Variants in ITFG1 observed in about 807,000 individuals in gnomAD.
The protein encoded by ITFG1 is T-cell immunomodulatory protein.
A neutral mutation model predicts 81.8 loss-of-function variants in ITFG1; 34 were observed. The ratio of observed to expected loss-of-function variants is 0.42; its 90% CI spans 0.32 to 0.55. The LOEUF is 0.55. Among genes scored for constraint, ITFG1 ranks in the 20% least tolerant of loss-of-function variants. ITFG1 has a pLI of 0.17. For synonymous variants in ITFG1, 285 were observed against 270.6 expected (o/e 1.05, Z -0.52); for missense variants, 672 against 755.4 (o/e 0.89, Z 1.29).
At chr16:47,196,415 G>GC (rs1212641562) in intron 14 of ITFG1, 1 of 151,982 alleles carries the variant, frequency 6.6e-6, no homozygotes, top group African/African-American at 2.4e-5. Flanking sequence ...ATTATATTGA[G>GC]CCCTGGGGTG....
chr16:47,181,570 C>A (rs920179574), intron 14 of ITFG1, among the ~76,000 whole-genome samples: 2 of 145,438 alleles, frequency 1.4e-5, no homozygotes, highest in Non-Finnish European at 3.0e-5. Flanking sequence ...GTCAGCCCCC[C>A]CGCCCGGCCA....
At chr16:47,359,037 A>G (rs141058851) in intron 8 of ITFG1, among the ~76,000 whole-genome samples, 18 of 152,236 alleles carry the variant, frequency 1.2e-4, no homozygotes, top group African/African-American at 1.7e-4. Flanking sequence ...AGAAGGTGGT[A>G]TGGGGGTGAG....
intron 7 of ITFG1, among the ~76,000 whole-genome samples, chr16:47,371,724 T>C (rs1448725965): frequency 6.6e-6 from 1 of 152,098 alleles, no homozygotes; most frequent in Non-Finnish European, 1.5e-5. Context: ...TCTGCAGACA[T>C]TTTTGATTGT....
At chr16:47,405,486 T>G (rs1968717197) in intron 6 of ITFG1, among the ~76,000 whole-genome samples, 1 of 152,200 alleles carries the variant, frequency 6.6e-6, no homozygotes, top group Non-Finnish European at 1.5e-5. Context: ...CTTCTTTGTT[T>G]AAGAGCCAAT....
chr16:47,336,723 G>A (rs971533647), intron 8 of ITFG1, among the ~76,000 whole-genome samples: 4 of 152,082 alleles, frequency 2.6e-5, no homozygotes. Context: ...CAGCACTTTG[G>A]GAGGCCGAGG....
At chr16:47,424,543 T>C (rs1195330816) in intron 6 of ITFG1, among the ~76,000 whole-genome samples, 2 of 152,260 alleles carry the variant, frequency 1.3e-5, no homozygotes, top group African/African-American at 2.4e-5. Context: ...GCTTTTCTGC[T>C]CTGGTTTCTC....
At chr16:47,241,756 C>T (rs1056736994) in intron 12 of ITFG1, among the ~76,000 whole-genome samples, 2 of 151,986 alleles carry the variant, frequency 1.3e-5, no homozygotes, top group African/African-American at 4.8e-5. Flanking sequence ...GAAATCGAGA[C>T]CATCCTGGCT....
At chr16:47,405,186 GT>G (rs1968712796) in intron 6 of ITFG1, among the ~76,000 whole-genome samples, 1 of 151,984 alleles carries the variant, frequency 6.6e-6, no homozygotes, top group East Asian at 1.9e-4. Context: ...ATATTTTCTT[GT>G]ATGTAGAGAA....
chr16:47,226,080 G>A (rs907587617), intron 13 of ITFG1, among the ~76,000 whole-genome samples: 1 of 152,184 alleles, frequency 6.6e-6, no homozygotes, highest in African/African-American at 2.4e-5. Context: ...TTGAGGAGGA[G>A]TAAATAAACT....
intron 12 of ITFG1, among the ~76,000 whole-genome samples, chr16:47,247,480 A>G (rs1966015210): frequency 6.6e-6 from 1 of 152,162 alleles, no homozygotes; most frequent in African/African-American, 2.4e-5. Flanking sequence ...CTCAAGGCAA[A>G]TATCTGACAC....
At chr16:47,379,611 G>A (rs927691438) in intron 6 of ITFG1, among the ~76,000 whole-genome samples, 1 of 151,836 alleles carries the variant, frequency 6.6e-6, no homozygotes, top group African/African-American at 2.4e-5. Flanking sequence ...CTTGAACCTG[G>A]GAGGTGGAGG....
rs1449892986 is a variant in ITFG1, at chr16:47,188,514, C to T, written c.1454-25850G>A. On this transcript the variant is annotated intron_variant, in intron 14 of 17. Transcript: ENST00000320640. ...CATTCTCAGTAAACTATTGCAAGAACAAAAAACCAAACACCGCATATTCTC... is the reference window on the plus strand; with the variant it reads ...CATTCTCAGTAAACTATTGCAAGAATAAAAAACCAAACACCGCATATTCTC... Among the ~76,000 whole-genome samples the T allele has an allele frequency of 2.7e-5, 4 of 148,314 alleles. 1 individual carries two copies. The Admixed American group carries it at 2.7e-4, about 10-fold the overall frequency.
At chr16:47,226,596 C>T (rs1965761162) in intron 13 of ITFG1, among the ~76,000 whole-genome samples, 1 of 144,874 alleles carries the variant, frequency 6.9e-6, no homozygotes, top group Non-Finnish European at 1.5e-5. Flanking sequence ...TTGTTCAATT[C>T]CCACCTACGA....
intron 6 of ITFG1, among the ~76,000 whole-genome samples, chr16:47,409,781 G>A (rs1968787199): frequency 6.6e-6 from 1 of 151,560 alleles, no homozygotes; most frequent in South Asian, 2.1e-4. Context: ...TTCCAAGCAT[G>A]ACACAAAACA....
chr16:47,165,858 A>T (rs1189114453), intron 14 of ITFG1, among the ~76,000 whole-genome samples: 2 of 152,272 alleles, frequency 1.3e-5, no homozygotes, highest in Non-Finnish European at 2.9e-5. Flanking sequence ...AAACAAACAA[A>T]CAAACAAACC....
chr16:47,289,434 T>C (rs902374805), intron 10 of ITFG1, among the ~76,000 whole-genome samples: 1 of 152,214 alleles, frequency 6.6e-6, no homozygotes, highest in Non-Finnish European at 1.5e-5. Flanking sequence ...TATTAGTTCT[T>C]TATTTAATGT....
At chr16:47,245,083 A>G (rs886162735) in intron 12 of ITFG1, among the ~76,000 whole-genome samples, 4 of 152,172 alleles carry the variant, frequency 2.6e-5, no homozygotes, top group Non-Finnish European at 5.9e-5. Context: ...GCGGTGGCTC[A>G]TGCCTGTAAT....
chr16:47,432,762 T>C (rs1969110630), intron 5 of ITFG1, among the ~76,000 whole-genome samples: 1 of 152,218 alleles, frequency 6.6e-6, no homozygotes, highest in Non-Finnish European at 1.5e-5. Flanking sequence ...ATCTTTAAAA[T>C]AGTTTCACTT....
At chr16:47,231,950 G>A (rs1965820596) in intron 13 of ITFG1, among the ~76,000 whole-genome samples, 1 of 152,190 alleles carries the variant, frequency 6.6e-6, no homozygotes, top group Non-Finnish European at 1.5e-5. Flanking sequence ...GCTCCCCATA[G>A]GAGAAAGAGG....
Sources: gnomAD v4.1 joint callset for allele counts (sites outside exome capture counted in the v4.1 genomes callset) on GRCh38, gnomAD v4.1.1 for gene constraint, MANE v1.5 for transcripts, NCBI Gene and HGNC (gene_info 2026-07-23, HGNC 2026-07-21) for gene names.